PKP2: variants seen among roughly 807,000 people sequenced by gnomAD.
The protein encoded by PKP2 is plakophilin 2, also known as plakophilin-2.
A neutral mutation model predicts 83.4 loss-of-function variants in PKP2; 73 were observed. The ratio of observed to expected loss-of-function variants is 0.88; its 90% CI spans 0.72 to 1.06. The LOEUF (loss-of-function observed/expected upper bound fraction) is 1.06, where lower values mean the gene tolerates loss of function less well. PKP2 is among the 50% of genes least tolerant of loss of function. The pLI is 0.00. For synonymous variants in PKP2, 409 were observed against 430.4 expected (o/e 0.95, Z 0.62); for missense variants, 966 against 1,065.4 (o/e 0.91, Z 1.30).
intron 4 of PKP2, among the ~76,000 whole-genome samples, chr12:32,853,508 CTTTT>C (rs71447625): frequency 2.9e-5 from 4 of 138,150 alleles, no homozygotes; most frequent in South Asian, 2.3e-4. Flanking sequence ...TAAATTCATA[CTTTT>C]TTTTTTTTTT....
chr12:32,841,258 C>G, intron 5 of PKP2, 53 bp from the exon 6 acceptor site: 1 of 1,498,580 alleles, frequency 6.7e-7, no homozygotes, highest in East Asian at 2.3e-5. Flanking sequence ...ACCAAAATGA[C>G]CGCTGAAAAG....
At chr12:32,863,323 G>A (rs1956817619) in intron 4 of PKP2, 1 of 259,058 alleles carries the variant, frequency 3.9e-6, no homozygotes, top group African/African-American at 2.3e-5. Flanking sequence ...CTGGGGAAAG[G>A]TAACTTGGGC....
chr12:32,825,499 A>G (rs1956430345), intron 6 of PKP2, among the ~76,000 whole-genome samples: 1 of 152,146 alleles, frequency 6.6e-6, no homozygotes, highest in African/African-American at 2.4e-5. Context: ...TGGTAGGTAG[A>G]ATATCCAGAA....
intron 7 of PKP2, among the ~76,000 whole-genome samples, chr12:32,823,441 A>AG (rs1331755193): frequency 6.9e-6 from 1 of 144,510 alleles, no homozygotes; most frequent in South Asian, 2.2e-4. Context: ...AAAAAAAAAA[A>AG]GGATTATAAA....
rs1038789289 is a variant in PKP2, at chr12:32,804,110, T to C, written c.2014-1554A>G. Among the ~76,000 whole-genome samples the C allele has an allele frequency of 3.9e-5, 6 of 152,330 alleles. No homozygotes were observed. The South Asian group carries it at 1.2e-3, about 32-fold the overall frequency. ...AGACAGCAACAGACAACGGCAGGCT[T>C]TCCGTCTCTACCATGCTGTGTTTTG... On this transcript the variant is annotated intron_variant, in intron 9 of 12. Transcript: ENST00000340811.
intron 10 of PKP2, among the ~76,000 whole-genome samples, chr12:32,800,616 G>T (rs980547712): frequency 2.0e-5 from 3 of 152,166 alleles, no homozygotes; most frequent in Non-Finnish European, 4.4e-5. Context: ...TGCAATGTGG[G>T]ATAATAATGT....
At chr12:32,867,235 G>A (rs1023537024) in intron 4 of PKP2, among the ~76,000 whole-genome samples, 1 of 152,170 alleles carries the variant, frequency 6.6e-6, no homozygotes, top group African/African-American at 2.4e-5. Context: ...GGCTGGGGTG[G>A]GAGGATTGCT....
intron 3 of PKP2, 33 bp downstream of exon 3, chr12:32,877,813 A>G (rs1428748727): frequency 1.4e-6 from 2 of 1,474,118 alleles, no homozygotes; most frequent in Non-Finnish European, 1.9e-6. Context: ...TGTGCTGGCA[A>G]TGACTGAACT....
At chr12:32,825,573 C>T (rs1461823536) in intron 6 of PKP2, among the ~76,000 whole-genome samples, 1 of 152,150 alleles carries the variant, frequency 6.6e-6, no homozygotes, top group African/African-American at 2.4e-5. Context: ...AGAACTGCAA[C>T]TTTGAGACAT....
intron 6 of PKP2, among the ~76,000 whole-genome samples, chr12:32,837,408 GCTA>G (rs1490817786): frequency 5.9e-5 from 9 of 152,202 alleles, no homozygotes; most frequent in African/African-American, 2.2e-4. Context: ...TGTAGGGAGT[GCTA>G]CTGAGAGTAA....
In PKP2 at chr12:32,859,461, T is replaced by TG. The variant is rs888533609; in HGVS notation, c.1171-8489_1171-8488insC. On this transcript the variant is annotated intron_variant, in intron 4 of 12. Transcript: ENST00000340811. The stretch of plus-strand genomic sequence containing the variant: ...ATATTTTTCTCAGTAACTTTTTTTT[T>TG]TGTGTGTGTGTGTGTGACAGAGTCT... 7.9e-5 allele frequency among the ~76,000 whole-genome samples: 12 copies of TG among 151,538 alleles called. No homozygotes were observed. The South Asian group carries it at 1.3e-3, about 16-fold the overall frequency.
chr12:32,797,445 C>CTAAAAAAAAAAA (rs1956136827), intron 10 of PKP2, among the ~76,000 whole-genome samples: 2 of 67,146 alleles, frequency 3.0e-5, no homozygotes, highest in African/African-American at 4.9e-5. Context: ...GACCCTGTCT[C>CTAAAAAAAAAAA]AAAAAAAAAA....
At chr12:32,825,306 C>A (rs549638853) in intron 6 of PKP2, among the ~76,000 whole-genome samples, 1 of 151,376 alleles carries the variant, frequency 6.6e-6, no homozygotes, top group East Asian at 2.0e-4. Flanking sequence ...GTAGCTGGGA[C>A]TACAGGCGTG....
chr12:32,800,655 G>A (rs998558567), intron 10 of PKP2, among the ~76,000 whole-genome samples: 1 of 152,180 alleles, frequency 6.6e-6, no homozygotes, highest in Non-Finnish European at 1.5e-5. Context: ...CTGAGGGAAC[G>A]AGTCAATGCA....
chr12:32,878,154 C>T lies in PKP2; in HGVS notation c.726G>A (p.Thr242=), dbSNP rs866886453. 25 of 1,614,100 alleles carry T rather than the reference C, an allele frequency of 1.5e-5. No homozygotes were observed. The highest frequency in any genetic ancestry group is 1.6e-4 in the Middle Eastern group (1 of 6,082). Residue 242 remains threonine, a synonymous_variant, in exon 3 of 13, where the codon ACG becomes ACA. Coordinates refer to ENST00000340811, the MANE Select transcript of PKP2 (RefSeq NM_001005242.3). The part of the protein sequence containing the change: ...DSIPANPALL[T]YPRPGTSRSM... ...TGCGGCTGGTCCCTGGCCTGGGGTA[C>T]GTGAGCAGGGCCGGGTTGGCAGGGA... is the stretch of plus-strand genomic sequence containing the variant.
At position 32,878,194 on chromosome 12, in the gene PKP2, G is replaced by C; in HGVS notation, c.686C>G (p.Thr229Ser). Residue 229 changes from threonine (T) to serine (S), a missense_variant, in exon 3 of 13, where the codon ACC becomes AGC. Thr to Ser is a moderately conservative substitution (Grantham distance 58). Transcript: ENST00000340811. ...RQYQHGSVSD[T>S]VFDSIPANPA... ...GTTGGCAGGGATGCTGTCAAAAACG[G>C]TGTCGCTAACAGAGCCATGCTGGTA... 6.2e-7 allele frequency: 1 copy of C among 1,614,240 alleles called. No individual in the cohort carries two copies.
At position 32,802,414 on chromosome 12, in the gene PKP2, T is replaced by C; in HGVS notation, c.2156A>G (p.Gln719Arg). The change falls in exon 10 of 13, where the codon CAG (glutamine) becomes CGG (arginine). Residue 719 changes from glutamine to arginine, a missense_variant. Gln to Arg is a conservative substitution (Grantham distance 43, BLOSUM62 1). Coordinates refer to ENST00000340811, the MANE Select transcript of PKP2 (RefSeq NM_001005242.3). ...LRNLSRNLSL[Q>R]NEIAKETLPD... Reference sequence around the variant, plus strand: ...TTATACCGACTCACCAATTTCATTCTGCAGAGAAAGATTCCGGGACAGATT... The same window carrying C: ...TTATACCGACTCACCAATTTCATTCCGCAGAGAAAGATTCCGGGACAGATT... 1 of 1,614,138 alleles carries C rather than the reference T, an allele frequency of 6.2e-7. No individual in the cohort carries two copies. Among genetic ancestry groups the C allele is most frequent in the Non-Finnish European group, 8.5e-7 (1 of 1,180,010 alleles).
At chr12:32,838,771 T>C (rs1313654536) in intron 6 of PKP2, among the ~76,000 whole-genome samples, 2 of 152,218 alleles carry the variant, frequency 1.3e-5, no homozygotes, top group African/African-American at 2.4e-5. Context: ...AATCTATTAA[T>C]AGTAGCAAAG....
intron 1 of PKP2, among the ~76,000 whole-genome samples, chr12:32,879,893 G>A (rs1956969991): frequency 6.6e-6 from 1 of 151,456 alleles, no homozygotes; most frequent in Non-Finnish European, 1.5e-5. Flanking sequence ...AAAGAAGGGA[G>A]AGGAAATTCA....
Sources: allele counts gnomAD v4.1 joint callset (sites outside exome capture counted in the v4.1 genomes callset), GRCh38; gene constraint gnomAD v4.1.1; transcripts MANE v1.5; gene names NCBI Gene and HGNC (gene_info 2026-07-23, HGNC 2026-07-21).